Variants in USP33 observed in about 807,000 individuals in gnomAD.
The protein encoded by USP33 is ubiquitin specific peptidase 33.
USP33 carries 46 observed loss-of-function variants against 124.2 expected under a neutral mutation model. The observed-to-expected ratio is 0.37, with a 90% CI of 0.29 to 0.47. USP33 has a LOEUF of 0.47. Ranked by LOEUF, USP33 falls within the 20% of genes least tolerant of loss-of-function variation. The pLI, the probability that USP33 is intolerant of heterozygous loss-of-function variation, is 0.99. For missense variants in USP33, 851 were observed against 1,070.6 expected, an observed-to-expected ratio of 0.79 and a Z score of 2.86; for synonymous variants, 350 against 352.3, an observed-to-expected ratio of 0.99 and a Z score of 0.07.
intron 10 of USP33, 89 bp from the exon 11 acceptor site, chr1:77,725,851 T>C (rs900911941): frequency 8.3e-7 from 1 of 1,199,630 alleles, no homozygotes; most frequent in African/African-American, 1.6e-5. Flanking sequence ...ATTTGATATT[T>C]TGAACACAAT....
chr1:77,716,507 G>A (rs558959910), intron 17 of USP33, among the ~76,000 whole-genome samples: 48 of 152,314 alleles, frequency 3.2e-4, no homozygotes, highest in Admixed American at 2.0e-3. Flanking sequence ...CAGCCTCGAC[G>A]AGCCAGTGAG....
chr1:77,750,416 T>A (rs1227836172), intron 1 of USP33, among the ~76,000 whole-genome samples: 1 of 152,112 alleles, frequency 6.6e-6, no homozygotes, highest in East Asian at 1.9e-4. Flanking sequence ...GAAGATCATT[T>A]GAGCTGACGA....
chr1:77,747,240 CTTTTTTT>C (rs752560478), intron 1 of USP33, among the ~76,000 whole-genome samples: 1 of 103,874 alleles, frequency 9.6e-6, no homozygotes, highest in African/African-American at 3.6e-5. Flanking sequence ...GGCTTCTGGG[CTTTTTTT>C]TTTTTTTTTT....
In USP33 at chr1:77,717,982, A is replaced by G. The variant is rs1275331213; in HGVS notation, c.1803T>C (p.His601=). The part of the protein sequence containing the change: ...ELMFSTKIST[H]VSFPLEGLDL... ...CCAAGCCTTCTAGCGGAAATGAAAC[A>G]TGGGTACTGATTTTGGTGGAAAACA... is the stretch of plus-strand genomic sequence containing the variant. Residue 601 remains histidine (H), a synonymous_variant, in exon 17 of 24, where the codon CAT becomes CAC. Coordinates refer to ENST00000370794, the MANE Select transcript of USP33 (RefSeq NM_201624.3). 1 of 1,613,944 alleles carries G rather than the reference A, an allele frequency of 6.2e-7. No individual in the cohort carries two copies. Among genetic ancestry groups the G allele is most frequent in the Admixed American group, 1.7e-5 (1 of 59,998 alleles).
At position 77,715,868 on chromosome 1, in the gene USP33, C is replaced by T. The variant is rs1339208971; in HGVS notation, c.1919G>A (p.Ser640Asn). The T allele has an allele frequency of 1.2e-6, 2 of 1,609,688 alleles. No individual in the cohort carries two copies. The highest frequency in any genetic ancestry group is 2.2e-5 in the East Asian group (1 of 44,810). ...TCGGCAGTAGGCTATATAGTGTCCA[C>T]CTGAATTTGAGGGAAAAGAAATCAT... The part of the protein sequence containing the change: ...SVICHHGTAS[S>N]GHYIAYCRNN... Residue 640 changes from serine (S) to asparagine (N), a missense_variant and splice_region_variant, in exon 18 of 24, where the codon AGT becomes AAT. Ser to Asn is a conservative substitution (Grantham distance 46). Coordinates refer to ENST00000370794, the MANE Select transcript of USP33 (RefSeq NM_201624.3).
intron 11 of USP33, among the ~76,000 whole-genome samples, chr1:77,725,382 C>G (rs1677046988): frequency 6.6e-6 from 1 of 152,142 alleles, no homozygotes; most frequent in Non-Finnish European, 1.5e-5. Context: ...AGAATCTATG[C>G]TGCAAGTGTT....
At chr1:77,737,125 T>C (rs1416020486) in intron 5 of USP33, among the ~76,000 whole-genome samples, 2 of 151,868 alleles carry the variant, frequency 1.3e-5, no homozygotes, top group South Asian at 2.1e-4. Context: ...AAAGTTCTCT[T>C]GTAATATCAG....
Position 77,708,258 on chromosome 1 carries a change from C to T in USP33, c.2406+3489G>A, listed in dbSNP as rs114788172. Reference sequence around the variant, plus strand: ...GATCCATTGCCAGTAGTACACCAGACTATATATAACCATGATATATGAAAT... The same window carrying T: ...GATCCATTGCCAGTAGTACACCAGATTATATATAACCATGATATATGAAAT... On this transcript the variant is annotated intron_variant, in intron 21 of 23. Transcript: ENST00000370794. Among the ~76,000 whole-genome samples, 816 of 152,170 alleles carry T rather than the reference C, an allele frequency of 5.4e-3. 10 individuals are homozygous for T. Among genetic ancestry groups the T allele is most frequent in the African/African-American group, 0.018 (758 of 41,504 alleles).
intron 1 of USP33, among the ~76,000 whole-genome samples, chr1:77,759,157 G>A (rs895723097): frequency 2.0e-5 from 3 of 152,200 alleles, no homozygotes; most frequent in African/African-American, 7.2e-5. Context: ...AAATTCCAGG[G>A]ACGATGACAC....
At chr1:77,730,779 T>C (rs1677714632) in intron 7 of USP33, 48 bp from the exon 8 acceptor site, 2 of 1,264,146 alleles carry the variant, frequency 1.6e-6, no homozygotes, top group East Asian at 5.0e-5. Flanking sequence ...AAGCTAATAC[T>C]GATTATTTCT....
At chr1:77,742,165 C>A (rs796608706) in intron 1 of USP33, among the ~76,000 whole-genome samples, 20 of 151,196 alleles carry the variant, frequency 1.3e-4, no homozygotes, top group African/African-American at 4.8e-4. Context: ...AAAAAAAAAA[C>A]TTCAAGTAGA....
chr1:77,723,528 C>G (rs977631934), intron 11 of USP33, 85 bp from the exon 12 acceptor site: 2 of 854,122 alleles, frequency 2.3e-6, no homozygotes, highest in Non-Finnish European at 3.6e-6. Context: ...GTCAATCTTA[C>G]TTGTATATGA....
rs112583211 is a variant in USP33, at chr1:77,696,578, C to G, written c.*739G>C. Reference sequence around the variant, plus strand: ...ACTACTACTTTCAACTTAAAATAGGCTCTTTATTATATGAAGCCATGACAA... The same window carrying G: ...ACTACTACTTTCAACTTAAAATAGGGTCTTTATTATATGAAGCCATGACAA... On this transcript the variant is annotated 3_prime_UTR_variant, in exon 24 of 24. Coordinates refer to ENST00000370794, the MANE Select transcript of USP33 (RefSeq NM_201624.3). 6.6e-6 allele frequency: 1 copy of G among 152,316 alleles called. No individual in the cohort carries two copies. Among genetic ancestry groups the G allele is most frequent in the Non-Finnish European group, 1.5e-5 (1 of 68,022 alleles). 9.4% of individuals were successfully genotyped at this position (152,316 alleles called of 1,614,324 possible). A position where few individuals can be genotyped will look rare whatever the true frequency, so the allele number is the denominator to read the frequency against.
intron 11 of USP33, among the ~76,000 whole-genome samples, chr1:77,724,393 T>G (rs1676922988): frequency 6.6e-6 from 1 of 152,212 alleles, no homozygotes; most frequent in Admixed American, 6.5e-5. Flanking sequence ...ACAAAAATCT[T>G]TAATTTTTTT....
At chr1:77,723,098 G>A (rs746702543) in intron 12 of USP33, among the ~76,000 whole-genome samples, 9 of 152,124 alleles carry the variant, frequency 5.9e-5, no homozygotes, top group Non-Finnish European at 8.8e-5. Context: ...AATAGATGAC[G>A]AAGGATAATA....
chr1:77,729,726 A>C, intron 9 of USP33, 134 bp downstream of exon 9: 1 of 757,558 alleles, frequency 1.3e-6, no homozygotes, highest in Non-Finnish European at 2.2e-6. Context: ...AAACATGAAA[A>C]AGGGTTACTA....
chr1:77,729,837 C>G (rs1557846906), intron 9 of USP33, 23 bp downstream of exon 9: 5 of 1,601,164 alleles, frequency 3.1e-6, no homozygotes, highest in East Asian at 2.2e-5. Flanking sequence ...ATTAAAATTA[C>G]AAATGAAAAG....
intron 3 of USP33, 150 bp downstream of exon 3, chr1:77,741,226 A>G (rs967890602): frequency 5.0e-5 from 38 of 754,258 alleles, no homozygotes; most frequent in African/African-American, 2.0e-4. Flanking sequence ...ATCTTTCCAA[A>G]GTTTAATTTT....
chr1:77,714,307 G>T (rs960386054), intron 19 of USP33, among the ~76,000 whole-genome samples: 8 of 152,264 alleles, frequency 5.3e-5, no homozygotes, highest in African/African-American at 1.9e-4. Flanking sequence ...AGCTGTTTAT[G>T]TATCTTACTC....
Sources: allele counts gnomAD v4.1 joint callset (sites outside exome capture counted in the v4.1 genomes callset), GRCh38; gene constraint gnomAD v4.1.1; transcripts MANE v1.5; gene names NCBI Gene and HGNC (gene_info 2026-07-23, HGNC 2026-07-21).